GNAQ: variants seen among roughly 807,000 people sequenced by gnomAD.
The protein encoded by GNAQ is guanine nucleotide-binding protein G(q) subunit alpha.
In GNAQ, 8 loss-of-function variants were observed where a neutral mutation model predicts 43.9. The ratio of observed to expected loss-of-function variants is 0.18; its 90% CI spans 0.11 to 0.33. The LOEUF (loss-of-function observed/expected upper bound fraction) is 0.33. Among genes scored for constraint, GNAQ ranks in the 10% least tolerant of loss-of-function variants. GNAQ has a pLI of 1.00. For missense variants in GNAQ, 158 were observed against 450.8 expected, an observed-to-expected ratio of 0.35 and a Z score of 5.88; for synonymous variants, 155 against 170.7, an observed-to-expected ratio of 0.91 and a Z score of 0.71.
chr9:77,927,287 T>C (rs1419272121), intron 1 of GNAQ, among the ~76,000 whole-genome samples: 1 of 152,232 alleles, frequency 6.6e-6, no homozygotes, highest in Non-Finnish European at 1.5e-5. Context: ...TCCAATCATA[T>C]GTACCTTCTT....
intron 2 of GNAQ, among the ~76,000 whole-genome samples, chr9:77,907,648 A>G (rs986092994): frequency 1.3e-5 from 2 of 152,242 alleles, no homozygotes; most frequent in Non-Finnish European, 2.9e-5. Flanking sequence ...AGGAGTGTAC[A>G]GTCAAGAAGG....
chr9:77,793,470 T>C (rs1419567527), intron 5 of GNAQ, among the ~76,000 whole-genome samples: 1 of 152,144 alleles, frequency 6.6e-6, no homozygotes, highest in Non-Finnish European at 1.5e-5. Flanking sequence ...GAGATATTAA[T>C]ACTGGCAGAA....
chr9:77,886,956 CAA>C (rs67836669), intron 2 of GNAQ, among the ~76,000 whole-genome samples: 229 of 137,482 alleles, frequency 1.7e-3, no homozygotes, highest in East Asian at 2.8e-3. Context: ...TAAAGAAATA[CAA>C]AAAAAAAAAA....
In GNAQ at chr9:77,815,654, A is replaced by G. The variant is rs1827000217; in HGVS notation, c.438T>C (p.Asp146=). The stretch of plus-strand genomic sequence containing the variant: ...CAGATAATTGATATTCTCGTCGTCT[A>G]TCATAGCATTCCTGGATTCCAGGAT... ...WNDPGIQECY[D]RRREYQLSDS... is the part of the protein sequence containing the mutation. The change falls in exon 3 of 7, where the codon GAT becomes GAC. Residue 146 remains aspartate, a synonymous_variant. Transcript: ENST00000286548. 6.2e-7 allele frequency: 1 copy of G among 1,604,976 alleles called. No individual in the cohort carries two copies. The highest frequency in any genetic ancestry group is 8.5e-7 in the Non-Finnish European group (1 of 1,172,088).
intron 5 of GNAQ, among the ~76,000 whole-genome samples, chr9:77,731,110 G>A (rs1023605293): frequency 6.6e-6 from 1 of 152,134 alleles, no homozygotes; most frequent in Non-Finnish European, 1.5e-5. Flanking sequence ...GAGAAGGGGC[G>A]TGATGGGCTC....
chr9:77,820,087 C>CAAAAA (rs3083136), intron 2 of GNAQ, among the ~76,000 whole-genome samples: 1 of 104,988 alleles, frequency 9.5e-6, no homozygotes, highest in Non-Finnish European at 1.8e-5. Context: ...ATTTAAAATG[C>CAAAAA]AAAAAAAAAA....
At chr9:77,902,775 G>A (rs1013630929) in intron 2 of GNAQ, among the ~76,000 whole-genome samples, 12 of 152,146 alleles carry the variant, frequency 7.9e-5, no homozygotes, top group African/African-American at 2.9e-4. Flanking sequence ...ACCCAAGTTT[G>A]ACCTTAATGG....
chr9:77,831,495 A>G (rs1827297205), intron 2 of GNAQ, among the ~76,000 whole-genome samples: 1 of 152,224 alleles, frequency 6.6e-6, no homozygotes, highest in Admixed American at 6.5e-5. Flanking sequence ...CAGAAGTGGA[A>G]AAATTATTAA....
intron 2 of GNAQ, among the ~76,000 whole-genome samples, chr9:77,901,642 T>C (rs1025329725): frequency 1.3e-5 from 2 of 152,210 alleles, no homozygotes; most frequent in Non-Finnish European, 2.9e-5. Context: ...CTTACTCTCC[T>C]CTGCATTCCT....
At chr9:77,824,439 A>G (rs1827163533) in intron 2 of GNAQ, among the ~76,000 whole-genome samples, 1 of 152,224 alleles carries the variant, frequency 6.6e-6, no homozygotes, top group Non-Finnish European at 1.5e-5. Flanking sequence ...AGTTCAGAAT[A>G]GTATTATTTC....
Position 78,029,179 on chromosome 9 carries a change from G to T in GNAQ, c.136+1921C>A, listed in dbSNP as rs182908559. Among the ~76,000 whole-genome samples the T allele has an allele frequency of 1.2e-3, 186 of 151,978 alleles. 3 individuals are homozygous for T. Among genetic ancestry groups the T allele is most frequent in the Non-Finnish European group, 3.1e-4 (21 of 67,976 alleles). ...GAAACTCCCTGGGCTTTAACTCTTA[G>T]CTGCTGGGAAACTCAGAGCTGTCAC... On this transcript the variant is annotated intron_variant, in intron 1 of 6. Transcript: ENST00000286548.
chr9:77,837,767 A>G (rs1827414638), intron 2 of GNAQ, among the ~76,000 whole-genome samples: 2 of 152,188 alleles, frequency 1.3e-5, no homozygotes, highest in African/African-American at 4.8e-5. Flanking sequence ...TTATTTTTAA[A>G]TCTATGTGCA....
rs142212377 is a variant in GNAQ, at chr9:77,790,971, G to A, written c.735+3492C>T. On this transcript the variant is annotated intron_variant, in intron 5 of 6. Coordinates refer to ENST00000286548, the MANE Select transcript of GNAQ (RefSeq NM_002072.5). ...CGTCTATGCTTTCCTTTTATCAATT[G>A]AGCAACTTCAAAAATCAGGTTTGAA... Among the ~76,000 whole-genome samples the A allele has an allele frequency of 2.9e-3, 447 of 152,280 alleles. 4 individuals are homozygous for A. Among genetic ancestry groups the A allele is most frequent in the Admixed American group, 5.2e-3 (79 of 15,294 alleles).
At chr9:78,015,664 A>G (rs2118591587) in intron 1 of GNAQ, among the ~76,000 whole-genome samples, 1 of 152,340 alleles carries the variant, frequency 6.6e-6, no homozygotes, top group East Asian at 1.9e-4. Flanking sequence ...TAGAAACAGT[A>G]CAGACCACAT....
chr9:77,911,927 T>G (rs891207775), intron 2 of GNAQ, among the ~76,000 whole-genome samples: 2 of 152,174 alleles, frequency 1.3e-5, no homozygotes, highest in South Asian at 4.1e-4. Context: ...TACTAAGCTA[T>G]GCAGCTAACA....
intron 2 of GNAQ, among the ~76,000 whole-genome samples, chr9:77,880,555 G>GTTTTTTTTTTT (rs55926441): frequency 1.4e-5 from 2 of 141,474 alleles, no homozygotes; most frequent in East Asian, 2.1e-4. Context: ...GATTTTTTCT[G>GTTTTTTTTTTT]TTTTTTTTTT....
chr9:77,766,292 T>C (rs908925259), intron 5 of GNAQ, among the ~76,000 whole-genome samples: 9 of 152,222 alleles, frequency 5.9e-5, no homozygotes, highest in African/African-American at 2.2e-4. Flanking sequence ...AAAAAGCTCT[T>C]TGTTTCATCA....
At chr9:78,021,632 T>A (rs1192809172) in intron 1 of GNAQ, among the ~76,000 whole-genome samples, 1 of 152,186 alleles carries the variant, frequency 6.6e-6, no homozygotes, top group African/African-American at 2.4e-5. Context: ...CCCCTAGATG[T>A]GCCCTGCTGG....
Position 77,925,082 on chromosome 9 carries a change from G to C in GNAQ, c.137-2737C>G, listed in dbSNP as rs1056751624. 3.3e-5 allele frequency among the ~76,000 whole-genome samples: 5 copies of C among 151,994 alleles called. No homozygotes were observed. In the South Asian group the frequency reaches 1.0e-3, roughly 32 times the overall value. ...CCTCTCCATACTGCTGCTCTCTCTG[G>C]GTCCCAACAACTGCTCCCTTGCCTT... is the stretch of plus-strand genomic sequence containing the variant. On this transcript the variant is annotated intron_variant, in intron 1 of 6. Transcript: ENST00000286548.
Sources: gnomAD v4.1 joint callset for allele counts (sites outside exome capture counted in the v4.1 genomes callset) on GRCh38, gnomAD v4.1.1 for gene constraint, MANE v1.5 for transcripts, NCBI Gene and HGNC (gene_info 2026-07-23, HGNC 2026-07-21) for gene names.